Variants in AP4B1 observed in about 807,000 individuals in gnomAD.
AP4B1 encodes the protein AP-4 complex subunit beta-1.
In AP4B1, 49 loss-of-function variants were observed where a neutral mutation model predicts 76.5. The ratio of observed to expected loss-of-function variants is 0.64; its 90% confidence interval spans 0.51 to 0.81. The LOEUF is 0.81. AP4B1 is among the 40% of genes least tolerant of loss of function. The probability of loss-of-function intolerance (pLI) is 0.00; values close to 1 mark genes in which losing one functional copy is unlikely to be tolerated. For missense variants in AP4B1, 911 were observed against 904.9 expected (o/e 1.01, Z -0.09); for synonymous variants, 330 against 333.3 (o/e 0.99, Z 0.11).
At chr1:113,904,528 CAG>C (rs1668723360) in intron 1 of AP4B1, 75 bp downstream of exon 1, 1 of 1,387,510 alleles carries the variant, frequency 7.2e-7, no homozygotes, top group Admixed American at 1.7e-5. Context: ...TTCACCCTTT[CAG>C]AGAGACTGGG....
intron 2 of AP4B1, 24 bp downstream of exon 2, chr1:113,902,614 C>T (rs368872641): frequency 1.7e-5 from 28 of 1,607,488 alleles, no homozygotes; most frequent in Middle Eastern, 4.4e-4. Context: ...CCATTTAGGA[C>T]CAGACAGAGA....
At chr1:113,896,558 G>C (rs1667497599) in intron 7 of AP4B1, 93 bp from the exon 8 acceptor site, 1 of 1,187,142 alleles carries the variant, frequency 8.4e-7, no homozygotes, top group Non-Finnish European at 1.3e-6. Flanking sequence ...TTTTCGCTTA[G>C]TGCCAGCAGA....
chr1:113,898,024 G>A, intron 6 of AP4B1, 81 bp from the exon 7 acceptor site: 1 of 1,603,052 alleles, frequency 6.2e-7, no homozygotes, highest in East Asian at 2.3e-5. Flanking sequence ...CATGTATTCA[G>A]ACTCATGATT....
Position 113,900,133 on chromosome 1 carries a change from A to G in AP4B1, c.885T>C (p.Val295=), listed in dbSNP as rs776332014. ...CSSESRELCF[V]ALCHVRQILH... is the part of the protein sequence containing the mutation. ...AGATCTGGCGTACATGACAAAGAGC[A>G]ACAAAACAGAGCTCACGGCTCTCTG... The change falls in exon 5 of 10, where the codon GTT becomes GTC. Residue 295 remains valine (V), a synonymous_variant. Coordinates refer to ENST00000369569, the MANE Select transcript of AP4B1 (RefSeq NM_001253852.3). The G allele has an allele frequency of 3.1e-6, 5 of 1,614,234 alleles. No homozygotes were observed. The highest frequency in any genetic ancestry group is 2.2e-5 in the East Asian group (1 of 44,894).
chr1:113,902,734 T>C lies in AP4B1; in HGVS notation c.242A>G (p.Asp81Gly). The change falls in exon 2 of 10, where the codon GAT (aspartate) becomes GGT (glycine). Residue 81 changes from aspartate to glycine, a missense_variant. Physicochemically the swap from Asp to Gly is moderately conservative, Grantham distance 94. Transcript: ENST00000369569. The stretch of plus-strand genomic sequence containing the variant: ...CGTATTGATGGCCAGGAGAGCCAGA[T>C]CTGGTTTCAGGGGAGCATATGTGCA... ...YMCTYAPLKP[D>G]LALLAINTLC... 1 of 1,614,218 alleles carries C rather than the reference T, an allele frequency of 6.2e-7. No homozygotes were observed. The highest frequency in any genetic ancestry group is 8.5e-7 in the Non-Finnish European group (1 of 1,180,048).
chr1:113,898,017 G>A, intron 6 of AP4B1, 74 bp from the exon 7 acceptor site: 2 of 1,607,312 alleles, frequency 1.2e-6, no homozygotes, highest in Non-Finnish European at 1.7e-6. Context: ...GAACAGTCAT[G>A]TATTCAGACT....
At position 113,895,262 on chromosome 1, in the gene AP4B1, C is replaced by T; in HGVS notation, c.2023G>A (p.Gly675Arg). 1.9e-6 allele frequency: 3 copies of T among 1,614,220 alleles called. No homozygotes were observed. The highest frequency in any genetic ancestry group is 2.5e-6 in the Non-Finnish European group (3 of 1,180,036). ...NIQTIAMSRAGSRPWKAYLSA... is the reference protein window; with the variant it reads ...NIQTIAMSRARSRPWKAYLSA... Reference sequence around the variant, plus strand: ...AGGTATGCTTTCCATGGCCGAGACCCAGCCCTACTCATTGCGATGGTCTGG... The same window carrying T: ...AGGTATGCTTTCCATGGCCGAGACCTAGCCCTACTCATTGCGATGGTCTGG... The change falls in exon 10 of 10, where the codon GGG (glycine) becomes AGG (arginine). Residue 675 changes from glycine to arginine, a missense_variant. Physicochemically the swap from Gly to Arg is moderately radical, Grantham distance 125. Transcript: ENST00000369569.
rs373631906 is a variant in AP4B1, at chr1:113,896,414, T to G, written c.1354A>C (p.Asn452His). ...LLGVHGERIP[N>H]APYVLEDFVE... Reference sequence around the variant, plus strand: ...AAGTCCTCTAACACATAAGGAGCATTAGGAATTCTTTCCCCATGGACACCA... The same window carrying G: ...AAGTCCTCTAACACATAAGGAGCATGAGGAATTCTTTCCCCATGGACACCA... Residue 452 changes from asparagine to histidine, a missense_variant, in exon 8 of 10, where the codon AAT becomes CAT. Asn to His is a moderately conservative substitution (Grantham distance 68, BLOSUM62 1). Coordinates refer to ENST00000369569, the MANE Select transcript of AP4B1 (RefSeq NM_001253852.3). The G allele has an allele frequency of 6.2e-7, 1 of 1,614,076 alleles. No individual in the cohort carries two copies. The highest frequency in any genetic ancestry group is 1.3e-5 in the African/African-American group (1 of 74,930).
At chr1:113,898,847 G>T in intron 5 of AP4B1, 46 bp from the exon 6 acceptor site, 1 of 1,400,926 alleles carries the variant, frequency 7.1e-7, no homozygotes, top group Non-Finnish European at 1.0e-6. Flanking sequence ...TGAAATATTA[G>T]CACCTCAATC....
At position 113,902,727 on chromosome 1, in the gene AP4B1, A is replaced by C; in HGVS notation, c.249T>G (p.Ala83=). The C allele has an allele frequency of 6.2e-7, 1 of 1,614,176 alleles. No individual in the cohort carries two copies. The highest frequency in any genetic ancestry group is 8.5e-7 in the Non-Finnish European group (1 of 1,180,042). ...TGCACAGCGTATTGATGGCCAGGAG[A>C]GCCAGATCTGGTTTCAGGGGAGCAT... is the stretch of plus-strand genomic sequence containing the variant. ...CTYAPLKPDL[A]LLAINTLCKD... The change falls in exon 2 of 10, where the codon GCT becomes GCG. Residue 83 remains alanine (A), a synonymous_variant. Coordinates refer to ENST00000369569, the MANE Select transcript of AP4B1 (RefSeq NM_001253852.3).
chr1:113,895,134 C>G lies in AP4B1; in HGVS notation c.2151G>C (p.Thr717=). 6.2e-7 allele frequency: 1 copy of G among 1,614,150 alleles called. No homozygotes were observed. Among genetic ancestry groups the G allele is most frequent in the East Asian group, 2.2e-5 (1 of 44,884 alleles). The change falls in exon 10 of 10, where the codon ACG becomes ACC. Residue 717 remains threonine (T), a synonymous_variant. Transcript: ENST00000369569. ...QISVKQNEAR[T]ETLNSFISVL... ...CAGAAATAAAACTATTCAGCGTCTC[C>G]GTTCTTGCTTCATTTTGTTTCACAG... is the stretch of plus-strand genomic sequence containing the variant.
intron 8 of AP4B1, 50 bp from the exon 9 acceptor site, chr1:113,896,088 C>T: frequency 6.2e-7 from 1 of 1,612,822 alleles, no homozygotes; most frequent in Non-Finnish European, 8.5e-7. Context: ...CCACTTTCCT[C>T]CTACTCTTGT....
At chr1:113,904,809 A>G, upstream of AP4B1, 1 of 1,097,582 alleles carries the variant, frequency 9.1e-7, no homozygotes, top group Non-Finnish European at 1.4e-6. Context: ...TAAAGGAAAT[A>G]TGAGTCAGTG....
At chr1:113,900,757 A>G (rs986752453) in intron 4 of AP4B1, 1 of 297,744 alleles carries the variant, frequency 3.4e-6, no homozygotes, top group Non-Finnish European at 6.3e-6. Flanking sequence ...CCCTATATCA[A>G]TAAGGGAAAG....
Position 113,897,887 on chromosome 1 carries a change from C to T in AP4B1, c.1255G>A (p.Val419Ile). Residue 419 changes from valine (V) to isoleucine (I), a missense_variant, in exon 7 of 10, where the codon GTA (valine) becomes ATA (isoleucine). Physicochemically the swap from Val to Ile is conservative, Grantham distance 29. Coordinates refer to ENST00000369569, the MANE Select transcript of AP4B1 (RefSeq NM_001253852.3). Reference protein sequence around the residue: ...VWLCPQCTEAVCQALPGCEEN... With the variant: ...VWLCPQCTEAICQALPGCEEN... ...TCACAGCCGGGCAGGGCCTGACATA[C>T]AGCTTCAGTACACTGAGGACACAAC... The T allele has an allele frequency of 6.2e-7, 1 of 1,614,140 alleles. No homozygotes were observed. Among genetic ancestry groups the T allele is most frequent in the Non-Finnish European group, 8.5e-7 (1 of 1,180,022 alleles).
Position 113,897,927 on chromosome 1 carries a change from G to C in AP4B1, c.1215C>G (p.Phe405Leu). Residue 405 changes from phenylalanine (F) to leucine (L), a missense_variant, in exon 7 of 10, where the codon TTC (phenylalanine) becomes TTG (leucine). Physicochemically the swap from Phe to Leu is conservative, Grantham distance 22. Coordinates refer to ENST00000369569, the MANE Select transcript of AP4B1 (RefSeq NM_001253852.3). Reference sequence around the variant, plus strand: ...GAGGACACAACCAAACCAGGTCTCGGAAAGTCTGCACCACCACTACAATAC... The same window carrying C: ...GAGGACACAACCAAACCAGGTCTCGCAAAGTCTGCACCACCACTACAATAC... ...EHITTVVVQT[F>L]RDLVWLCPQC... 1.2e-6 allele frequency: 2 copies of C among 1,614,136 alleles called. No individual in the cohort carries two copies. Among genetic ancestry groups the C allele is most frequent in the Non-Finnish European group, 1.7e-6 (2 of 1,180,028 alleles).
At position 113,900,469 on chromosome 1, in the gene AP4B1, T is replaced by C. The variant is rs539673195; in HGVS notation, c.618-69A>G. 48 of 1,564,250 alleles carry C rather than the reference T, an allele frequency of 3.1e-5. No homozygotes were observed. In the East Asian group the frequency reaches 8.2e-4, roughly 27 times the overall value. On this transcript the variant is annotated intron_variant, in intron 4 of 9. Transcript: ENST00000369569. ...TAGGACCATTTCCATGCCACTGCCA[T>C]ATGACCAGGTGGTTGTTCATCATAG... is the stretch of plus-strand genomic sequence containing the variant.
chr1:113,897,661 T>C, intron 7 of AP4B1, 179 bp downstream of exon 7: 5 of 660,146 alleles, frequency 7.6e-6, no homozygotes, highest in South Asian at 5.6e-5. Flanking sequence ...ACCCGTCGGA[T>C]AAATCTTGTT....
At chr1:113,896,080 A>G in intron 8 of AP4B1, 42 bp from the exon 9 acceptor site, 1 of 1,613,206 alleles carries the variant, frequency 6.2e-7, no homozygotes, top group Non-Finnish European at 8.5e-7. Context: ...AAACAAAACC[A>G]CTTTCCTCCT....
Sources: allele counts gnomAD v4.1 joint callset, GRCh38; gene constraint gnomAD v4.1.1; transcripts MANE v1.5; gene names NCBI Gene and HGNC (gene_info 2026-07-23, HGNC 2026-07-21).